KY: variants seen among roughly 807,000 people sequenced by gnomAD.
The protein encoded by KY is kyphoscoliosis peptidase.
In KY, 43 loss-of-function variants were observed where a neutral mutation model predicts 76.1. The ratio of observed to expected loss-of-function variants is 0.57; its 90% CI spans 0.44 to 0.73. KY has a LOEUF of 0.73. Among genes scored for constraint, KY ranks in the 30% least tolerant of loss-of-function variants. The pLI is 0.00. For synonymous variants in KY, 277 were observed against 326.2 expected (o/e 0.85, Z 1.63); for missense variants, 722 against 828.9 (o/e 0.87, Z 1.58).
rs530105416 is a variant in KY, at chr3:134,629,248, G to A, written c.337+373C>T. On this transcript the variant is annotated intron_variant, in intron 4 of 10. Transcript: ENST00000423778. Reference sequence around the variant, plus strand: ...CTTTGCTGATCTAAAAAGTGGGGATGATATTAGTATACATCAAAAGGTTAA... The same window carrying A: ...CTTTGCTGATCTAAAAAGTGGGGATAATATTAGTATACATCAAAAGGTTAA... Among the ~76,000 whole-genome samples, 7 of 152,324 alleles carry A rather than the reference G, an allele frequency of 4.6e-5. No individual in the cohort carries two copies. In the East Asian group the frequency reaches 1.4e-3, roughly 29 times the overall value.
At chr3:134,607,199 A>G (rs949850990) in intron 10 of KY, 9 of 985,374 alleles carry the variant, frequency 9.1e-6, no homozygotes, top group Middle Eastern at 5.2e-4. Context: ...AGCACAGGAA[A>G]TGGATTCTCA....
At chr3:134,630,403 G>GTT (rs34049800) in intron 3 of KY, among the ~76,000 whole-genome samples, 1 of 152,026 alleles carries the variant, frequency 6.6e-6, no homozygotes, top group African/African-American at 2.4e-5. Context: ...AATATTTACT[G>GTT]TTTTTTCTCT....
rs1959080029 is a variant in KY at position 134,603,938 on chromosome 3, G to A, written c.1627C>T (p.Gln543Ter). 6.2e-7 allele frequency: 1 copy of A among 1,614,002 alleles called. No individual in the cohort carries two copies. The highest frequency in any genetic ancestry group is 2.2e-5 in the East Asian group (1 of 44,880). ...ACGAAGATGTAGTTTCCTGGTTCCT[G>A]CCTCTTCTTGACAAAGATCTTGAGG... ...FALKIFVKKR[Q>*]EPGNYIFVFN... Residue 543 changes from glutamine (Q) to a stop codon, truncating the protein, a stop_gained, in exon 11 of 11, where the codon CAG (glutamine) becomes TAG (stop). Coordinates refer to ENST00000423778, the MANE Select transcript of KY (RefSeq NM_178554.6). LOFTEE classifies it high-confidence loss of function.
rs1401173780 is a variant in KY, at chr3:134,625,086, C to G, written c.450G>C (p.Gln150His). The change falls in exon 6 of 11, where the codon CAG becomes CAC. Residue 150 changes from glutamine to histidine, a missense_variant. Gln to His is a conservative substitution (Grantham distance 24). Coordinates refer to ENST00000423778, the MANE Select transcript of KY (RefSeq NM_178554.6). ...CGTAGATATCCAATTTCTCAAACTG[C>G]TGCAGGTCCAGGGACATGGATTTCA... ...SSLKSMSLDL[Q>H]QFEKLDIYAS... 6.2e-7 allele frequency: 1 copy of G among 1,602,548 alleles called. No individual in the cohort carries two copies.
chr3:134,643,641 C>T (rs1966059126), intron 2 of KY, among the ~76,000 whole-genome samples: 1 of 152,210 alleles, frequency 6.6e-6, no homozygotes, highest in African/African-American at 2.4e-5. Flanking sequence ...TCTTCTGGAA[C>T]AGGCTACCAG....
chr3:134,635,494 A>T (rs796134962), intron 3 of KY, among the ~76,000 whole-genome samples: 2 of 2,390 alleles, frequency 8.4e-4, no homozygotes, highest in Admixed American at 5.6e-3. Context: ...GAGACTCTGT[A>T]AAAAAAAAAA....
Position 134,650,930 on chromosome 3 carries a change from A to T in KY, c.31T>A (p.Ser11Thr). 6.2e-7 allele frequency: 1 copy of T among 1,613,310 alleles called. No individual in the cohort carries two copies. Among genetic ancestry groups the T allele is most frequent in the African/African-American group, 1.3e-5 (1 of 75,028 alleles). Reference protein sequence around the residue: MELKKDINAVSIDMLLIVHSE... With the variant: MELKKDINAVTIDMLLIVHSE... The stretch of plus-strand genomic sequence containing the variant: ...TGCACGATCAGCAGCATGTCGATAG[A>T]TACAGCGTTGATGTCCTTCTTCAGC... Residue 11 changes from serine (S) to threonine (T), a missense_variant, in exon 1 of 11, where the codon TCT becomes ACT. This residue lies in a region of KY where 170 missense variants were observed against 148.1 expected (regional missense o/e 1.15). Transcript: ENST00000423778.
intron 8 of KY, among the ~76,000 whole-genome samples, chr3:134,613,634 G>A (rs1159198145): frequency 1.3e-5 from 2 of 152,198 alleles, no homozygotes; most frequent in Non-Finnish European, 2.9e-5. Flanking sequence ...GAAGGCTGTG[G>A]GGAATGCCTG....
chr3:134,643,504 T>A (rs904938868), intron 2 of KY, 126 bp from the exon 3 acceptor site: 2 of 699,172 alleles, frequency 2.9e-6, no homozygotes, highest in East Asian at 5.3e-5. Flanking sequence ...CAGGCCTAAA[T>A]GTGTGCACAC....
intron 8 of KY, among the ~76,000 whole-genome samples, chr3:134,611,955 G>A (rs913792384): frequency 3.3e-5 from 5 of 152,230 alleles, no homozygotes; most frequent in Admixed American, 6.5e-5. Context: ...CACTTGCTGA[G>A]AGAGTCATTG....
At chr3:134,650,690 G>C in intron 1 of KY, 135 bp downstream of exon 1, 1 of 806,918 alleles carries the variant, frequency 1.2e-6, no homozygotes, top group Non-Finnish European at 1.9e-6. Flanking sequence ...GGGAAGCGAC[G>C]GCAGCCATGG....
intron 3 of KY, chr3:134,639,949 CAAAAAAAAAAAAAAAAA>C (rs35930137): frequency 4.0e-5 from 2 of 49,656 alleles, no homozygotes; most frequent in African/African-American, 1.8e-4. Context: ...CACCCTGTCT[CAAAAAAAAAAAAAAAAA>C]AAAAAAAAAA....
intron 10 of KY, chr3:134,607,024 G>C: frequency 1.0e-6 from 1 of 984,514 alleles, no homozygotes; most frequent in Non-Finnish European, 1.2e-6. Context: ...ATCATATTTA[G>C]GTTTAGATTT....
intron 4 of KY, 73 bp downstream of exon 4, chr3:134,629,548 G>T: frequency 8.5e-7 from 1 of 1,173,310 alleles, no homozygotes; most frequent in Non-Finnish European, 1.2e-6. Flanking sequence ...TGCTTGGGCT[G>T]GGATCTGGCC....
chr3:134,647,611 CTG>C lies in KY; in HGVS notation c.137-116_137-115del, dbSNP rs151240057. 3,178 of 620,334 alleles carry C rather than the reference CTG, an allele frequency of 5.1e-3. 77 individuals are homozygous for C. In the African/African-American group the frequency reaches 0.053, roughly 10 times the overall value. The allele number at this position is 620,334 out of a possible 1,614,324, so 38.4% of individuals were successfully genotyped here. ...AGGTGGATCTTGGCTCTCTTGGAAT[CTG>C]AGAGAGGCTACCCATGAATAAGATG... On this transcript the variant is annotated intron_variant, in intron 1 of 10. Transcript: ENST00000423778.
chr3:134,635,089 C>A (rs1185012627), intron 3 of KY, among the ~76,000 whole-genome samples: 2 of 152,198 alleles, frequency 1.3e-5, no homozygotes, highest in African/African-American at 4.8e-5. Context: ...CACACAAAAA[C>A]CTGTACACAA....
At chr3:134,621,002 A>T (rs1346087477) in intron 6 of KY, 145 bp from the exon 7 acceptor site, 1 of 623,780 alleles carries the variant, frequency 1.6e-6, no homozygotes, top group South Asian at 1.9e-5. Flanking sequence ...CTGGCTGAGG[A>T]CAAATTGGGA....
intron 3 of KY, among the ~76,000 whole-genome samples, chr3:134,633,828 T>C (rs1055210024): frequency 3.3e-5 from 5 of 152,134 alleles, no homozygotes; most frequent in African/African-American, 1.2e-4. Context: ...TTATTCACAG[T>C]TGATATGTCT....
chr3:134,646,292 A>G (rs1192049028), intron 2 of KY, among the ~76,000 whole-genome samples: 2 of 152,036 alleles, frequency 1.3e-5, no homozygotes, highest in African/African-American at 4.8e-5. Flanking sequence ...CATTGCACCC[A>G]TGCATGCCTG....
Sources: gnomAD v4.1 joint callset for allele counts (sites outside exome capture counted in the v4.1 genomes callset) on GRCh38, gnomAD v4.1.1 for gene constraint, gnomAD v4.1.1 regional missense constraint, MANE v1.5 for transcripts, NCBI Gene and HGNC (gene_info 2026-07-23, HGNC 2026-07-21) for gene names.